Variants in SCLT1 observed in about 807,000 individuals in gnomAD.
SCLT1 encodes sodium channel and clathrin linker 1.
A neutral mutation model predicts 112.8 loss-of-function variants in SCLT1; 78 were observed. The ratio of observed to expected loss-of-function variants is 0.69; its 90% CI spans 0.58 to 0.83. The LOEUF (loss-of-function observed/expected upper bound fraction) is 0.83. Ranked by LOEUF, SCLT1 falls within the 40% of genes least tolerant of loss-of-function variation. The pLI is 0.00. For synonymous variants in SCLT1, 257 were observed against 254.7 expected, an observed-to-expected ratio of 1.01 and a Z score of -0.09; for missense variants, 747 against 770.4, an observed-to-expected ratio of 0.97 and a Z score of 0.36.
At chr4:129,059,183 T>A (rs1422767074) in intron 2 of SCLT1, among the ~76,000 whole-genome samples, 1 of 152,142 alleles carries the variant, frequency 6.6e-6, no homozygotes, top group Non-Finnish European at 1.5e-5. Flanking sequence ...ACAGGTGAAG[T>A]GAGTTTGTTG....
chr4:128,910,251 A>G (rs749588448), intron 18 of SCLT1, among the ~76,000 whole-genome samples: 1 of 152,202 alleles, frequency 6.6e-6, no homozygotes, highest in Non-Finnish European at 1.5e-5. Context: ...CTGTTTCCCC[A>G]TGTATTTGTA....
At chr4:128,985,634 A>C (rs1443082367) in intron 9 of SCLT1, among the ~76,000 whole-genome samples, 1 of 152,210 alleles carries the variant, frequency 6.6e-6, no homozygotes, top group Non-Finnish European at 1.5e-5. Context: ...TTGTCTTTTC[A>C]TTTGACTTAT....
intron 18 of SCLT1, among the ~76,000 whole-genome samples, chr4:128,921,566 A>C (rs1735884908): frequency 6.6e-6 from 1 of 152,206 alleles, no homozygotes; most frequent in South Asian, 2.1e-4. Flanking sequence ...AGAACTCCCT[A>C]TTCAATAAAT....
At chr4:129,036,946 G>A (rs1747231190) in intron 5 of SCLT1, 1 of 151,714 alleles carries the variant, frequency 6.6e-6, no homozygotes, top group Non-Finnish European at 1.5e-5. Context: ...CTAGTTAAAA[G>A]TCAACAAAAA....
At chr4:128,881,443 C>G (rs979110647), downstream of SCLT1, among the ~76,000 whole-genome samples, 8 of 152,184 alleles carry the variant, frequency 5.3e-5, no homozygotes, top group African/African-American at 1.9e-4. Context: ...TAATGAGTGA[C>G]TGAATTGTTG....
chr4:129,014,155 A>G (rs938835851), intron 5 of SCLT1, among the ~76,000 whole-genome samples: 13 of 152,012 alleles, frequency 8.6e-5, no homozygotes, highest in African/African-American at 3.1e-4. Context: ...TTTCAGTTCT[A>G]TCAGGTCAGT....
chr4:129,081,229 G>A (rs188948133), intron 2 of SCLT1, among the ~76,000 whole-genome samples: 5 of 152,270 alleles, frequency 3.3e-5, no homozygotes, highest in Admixed American at 2.6e-4. Flanking sequence ...TCTCCCTCAT[G>A]AGCCTTTTCC....
At chr4:128,945,503 T>G (rs895710616) in intron 16 of SCLT1, among the ~76,000 whole-genome samples, 1 of 152,140 alleles carries the variant, frequency 6.6e-6, no homozygotes, top group Admixed American at 6.5e-5. Flanking sequence ...TTTGAACACA[T>G]ATAGAGATTG....
At chr4:129,018,308 T>C (rs1745162509) in intron 5 of SCLT1, among the ~76,000 whole-genome samples, 1 of 152,254 alleles carries the variant, frequency 6.6e-6, no homozygotes, top group Admixed American at 6.5e-5. Context: ...GTGCAACAGA[T>C]GTTAAGCCAA....
At chr4:129,004,923 A>G (rs1743856656) in intron 5 of SCLT1, among the ~76,000 whole-genome samples, 1 of 151,690 alleles carries the variant, frequency 6.6e-6, no homozygotes. Flanking sequence ...TTTATTTTTA[A>G]ATATCTAACA....
chr4:129,087,128 A>G lies in SCLT1; in HGVS notation c.35-4755T>C, dbSNP rs11931573. Among the ~76,000 whole-genome samples the G allele has an allele frequency of 7.9e-3, 1,209 of 152,270 alleles. 15 individuals are homozygous for G. Among genetic ancestry groups the G allele is most frequent in the African/African-American group, 0.028 (1,160 of 41,556 alleles). ...CCACTGGACTCTTATTAAGAGGTGG[A>G]GCTGAGAAGTAGTGGAGATTAAGTG... is the stretch of plus-strand genomic sequence containing the variant. On this transcript the variant is annotated intron_variant, in intron 1 of 20. Coordinates refer to ENST00000281142, the MANE Select transcript of SCLT1 (RefSeq NM_144643.4).
At position 128,959,647 on chromosome 4, in the gene SCLT1, T is replaced by C; in HGVS notation, c.1000A>G (p.Arg334Gly). Residue 334 changes from arginine (R) to glycine (G), a missense_variant, in exon 12 of 21, where the codon AGA (arginine) becomes GGA (glycine). Arg to Gly is a moderately radical substitution (Grantham distance 125, BLOSUM62 -2). Coordinates refer to ENST00000281142, the MANE Select transcript of SCLT1 (RefSeq NM_144643.4). Reference sequence around the variant, plus strand: ...TCTTCTAAGAGTTGCATGCTATTTCTGGCTCTTACAATAGCCTCATATCTC... The same window carrying C: ...TCTTCTAAGAGTTGCATGCTATTTCCGGCTCTTACAATAGCCTCATATCTC... ...NERYEAIVRARNSMQLLEEAN... is the reference protein window; with the variant it reads ...NERYEAIVRAGNSMQLLEEAN... The C allele has an allele frequency of 6.2e-6, 10 of 1,613,536 alleles. No homozygotes were observed. The highest frequency in any genetic ancestry group is 8.5e-6 in the Non-Finnish European group (10 of 1,179,660).
intron 16 of SCLT1, among the ~76,000 whole-genome samples, chr4:128,945,666 A>C (rs1738091757): frequency 6.6e-6 from 1 of 152,142 alleles, no homozygotes; most frequent in Non-Finnish European, 1.5e-5. Context: ...AATATTCACT[A>C]TAACAAGAAA....
chr4:129,036,017 C>T (rs1353489560), intron 5 of SCLT1, among the ~76,000 whole-genome samples: 1 of 151,854 alleles, frequency 6.6e-6, no homozygotes, highest in African/African-American at 2.4e-5. Context: ...ACCATTGCTA[C>T]CTTCCATTAT....
intron 5 of SCLT1, among the ~76,000 whole-genome samples, chr4:129,008,598 C>T (rs59443911): frequency 0.018 from 2,786 of 152,206 alleles, 76 homozygotes; most frequent in African/African-American, 0.056. Flanking sequence ...TCAAATTACA[C>T]GAATTTTAGT....
chr4:129,003,939 G>C, intron 5 of SCLT1, 63 bp from the exon 6 acceptor site: 1 of 1,465,248 alleles, frequency 6.8e-7, no homozygotes, highest in African/African-American at 1.4e-5. Context: ...TTACTGTTTC[G>C]AGGTCAATTA....
chr4:129,027,853 AAAATC>A (rs1746272698), intron 5 of SCLT1, among the ~76,000 whole-genome samples: 1 of 152,230 alleles, frequency 6.6e-6, no homozygotes, highest in African/African-American at 2.4e-5. Context: ...TCAATATACA[AAAATC>A]ACAAGTATTC....
rs1233977911 is a variant in SCLT1, at chr4:128,943,073, C to G, written c.1555G>C (p.Glu519Gln). ...GTCTCTTTCCGTAACTGTTTATTTT[C>G]TTGCTGAAGTTTTAGCCTTTGTTCA... ...VSEQRLKLQQ[E>Q]NKQLRKETES... Residue 519 changes from glutamate to glutamine, a missense_variant, in exon 17 of 21, where the codon GAA (glutamate) becomes CAA (glutamine). Physicochemically the swap from Glu to Gln is conservative, Grantham distance 29 (BLOSUM62 2). Coordinates refer to ENST00000281142, the MANE Select transcript of SCLT1 (RefSeq NM_144643.4). The G allele has an allele frequency of 6.2e-7, 1 of 1,613,146 alleles. No homozygotes were observed. Among genetic ancestry groups the G allele is most frequent in the African/African-American group, 1.3e-5 (1 of 74,962 alleles).
chr4:129,031,733 C>A (rs1003249001), intron 5 of SCLT1, among the ~76,000 whole-genome samples: 6 of 152,014 alleles, frequency 3.9e-5, no homozygotes, highest in African/African-American at 1.4e-4. Flanking sequence ...GAATAAAATA[C>A]GTAGGAATCC....
Sources: allele counts gnomAD v4.1 joint callset (sites outside exome capture counted in the v4.1 genomes callset), GRCh38; gene constraint gnomAD v4.1.1; transcripts MANE v1.5; gene names NCBI Gene and HGNC (gene_info 2026-07-23, HGNC 2026-07-21).